The following FOLH1 variants were observed in gnomAD, a reference collection of about 807,000 sequenced individuals.
The protein encoded by FOLH1 is glutamate carboxypeptidase 2.
A neutral mutation model predicts 93.9 loss-of-function variants in FOLH1; 54 were observed. That is an observed-to-expected ratio of 0.57 (90% CI 0.46 to 0.72). The LOEUF (loss-of-function observed/expected upper bound fraction) is 0.72. Among genes scored for constraint, FOLH1 ranks in the 30% least tolerant of loss-of-function variants. The pLI, the probability that FOLH1 is intolerant of heterozygous loss-of-function variation, is 0.00. For missense variants in FOLH1, 571 were observed against 892.5 expected, an observed-to-expected ratio of 0.64 and a Z score of 4.59; for synonymous variants, 249 against 303.6, an observed-to-expected ratio of 0.82 and a Z score of 1.87.
chr11:49,164,084 A>G (rs1161567405), intron 13 of FOLH1, among the ~76,000 whole-genome samples: 1 of 152,066 alleles, frequency 6.6e-6, no homozygotes, highest in East Asian at 1.9e-4. Context: ...TGCCCCTTCA[A>G]TTTCTCTTTG....
At chr11:49,188,438 G>GGGAGGT (rs1451956214) in intron 4 of FOLH1, among the ~76,000 whole-genome samples, 2 of 151,548 alleles carry the variant, frequency 1.3e-5, no homozygotes, top group Non-Finnish European at 2.9e-5. Context: ...GCTTGAACAC[G>GGGAGGT]GGAGGTGGAG....
In FOLH1 at chr11:49,186,741, C is replaced by T. The variant is rs757958518; in HGVS notation, c.542G>A (p.Arg181Gln). The change falls in exon 5 of 19, where the codon CGA (arginine) becomes CAA (glutamine). Residue 181 changes from arginine (R) to glutamine (Q), a missense_variant. Physicochemically the swap from Arg to Gln is conservative, Grantham distance 43 (BLOSUM62 1). Transcript: ENST00000256999. Reference sequence around the variant, plus strand: ...TTCCAATTTAAAGAAGTCTTCAGTTCGTGCATAGTTAACATACACTAGATC... The same window carrying T: ...TTCCAATTTAAAGAAGTCTTCAGTTTGTGCATAGTTAACATACACTAGATC... ...EGDLVYVNYA[R>Q]TEDFFKLERD... 29 of 1,612,652 alleles carry T rather than the reference C, an allele frequency of 1.8e-5. No homozygotes were observed. Among genetic ancestry groups the T allele is most frequent in the Admixed American group, 3.3e-5 (2 of 59,818 alleles).
In FOLH1 at chr11:49,187,042, CCA is replaced by C. The variant is rs55702629; in HGVS notation, c.514-275_514-274del. On this transcript the variant is annotated intron_variant, in intron 4 of 18. Coordinates refer to ENST00000256999, the MANE Select transcript of FOLH1 (RefSeq NM_004476.3). ...AGCTGAAGCTACAGAAGCACCCCCC[CCA>C]CACACACACAGAAAAGCATATACGT... Among the ~76,000 whole-genome samples, 44 of 151,074 alleles carry C rather than the reference CCA, an allele frequency of 2.9e-4. No individual in the cohort carries two copies. In the South Asian group the frequency reaches 5.2e-3, roughly 18 times the overall value.
intron 7 of FOLH1, among the ~76,000 whole-genome samples, chr11:49,181,435 G>C (rs1402061128): frequency 6.6e-6 from 1 of 151,816 alleles, no homozygotes; most frequent in Non-Finnish European, 1.5e-5. Flanking sequence ...TTATAAAACT[G>C]AGATAATACT....
chr11:49,205,191 C>G (rs571298705), intron 2 of FOLH1, among the ~76,000 whole-genome samples: 1 of 149,106 alleles, frequency 6.7e-6, no homozygotes, highest in East Asian at 2.0e-4. Flanking sequence ...GCAACAAGAG[C>G]GAAACTCCAT....
chr11:49,183,406 T>C (rs373948899), intron 6 of FOLH1, among the ~76,000 whole-genome samples, 164 bp from the exon 7 acceptor site: 1 of 152,298 alleles, frequency 6.6e-6, no homozygotes, highest in African/African-American at 2.4e-5. Flanking sequence ...ACTGAAATCC[T>C]CATACATTGC....
At chr11:49,184,932 T>C (rs1470651046) in intron 6 of FOLH1, among the ~76,000 whole-genome samples, 1 of 152,208 alleles carries the variant, frequency 6.6e-6, no homozygotes, top group African/African-American at 2.4e-5. Context: ...TGAATCCAAC[T>C]GCCCATTCAG....
chr11:49,192,616 T>C (rs191149179), intron 4 of FOLH1, 177 bp downstream of exon 4: 7 of 397,612 alleles, frequency 1.8e-5, no homozygotes, highest in Admixed American at 1.3e-4. Flanking sequence ...AAAAATACCA[T>C]TAATAAAATA....
At chr11:49,198,683 AC>A (rs1862937531) in intron 3 of FOLH1, among the ~76,000 whole-genome samples, 1 of 152,070 alleles carries the variant, frequency 6.6e-6, no homozygotes, top group Non-Finnish European at 1.5e-5. Flanking sequence ...TAGATATGCC[AC>A]CACTTATTTA....
In FOLH1 at chr11:49,208,450, T is replaced by G. The variant is rs1864226283; in HGVS notation, c.-41A>C. ...GCCGGCCTCCCGGGACCCGCGCCTG[T>G]GCTGCTGCTCTACTGCGCGCCCTCC... On this transcript the variant is annotated 5_prime_UTR_variant, in exon 1 of 19. Transcript: ENST00000256999. The G allele has an allele frequency of 2.8e-6, 4 of 1,440,100 alleles. No individual in the cohort carries two copies. The African/African-American group carries it at 4.2e-5, about 15-fold the overall frequency. 89.2% of individuals were successfully genotyped at this position (1,440,100 alleles called of 1,614,324 possible). A position where few individuals can be genotyped will look rare whatever the true frequency, so the allele number is the denominator to read the frequency against.
intron 13 of FOLH1, among the ~76,000 whole-genome samples, chr11:49,158,601 C>G (rs1239845067): frequency 1.3e-5 from 2 of 152,002 alleles, no homozygotes; most frequent in East Asian, 3.9e-4. Context: ...TTAGGATTGC[C>G]TTGGTTATAT....
At chr11:49,183,016 T>C in intron 7 of FOLH1, 133 bp downstream of exon 7, 2 of 691,390 alleles carry the variant, frequency 2.9e-6, no homozygotes, top group Non-Finnish European at 4.8e-6. Flanking sequence ...TTCTATTTTA[T>C]ACTGATAAAA....
In FOLH1 at chr11:49,175,350, G is replaced by T. The variant is rs575490284; in HGVS notation, c.1020-373C>A. On this transcript the variant is annotated intron_variant, in intron 8 of 18. Transcript: ENST00000256999. ...TCTTTGGAACTTGAATGGAACTAGA[G>T]AACAGTCAACAGCTTGTGACAAAGC... Among the ~76,000 whole-genome samples, 19 of 152,262 alleles carry T rather than the reference G, an allele frequency of 1.2e-4. No homozygotes were observed. The East Asian group carries it at 3.7e-3, about 29-fold the overall frequency.
intron 18 of FOLH1, 70 bp downstream of exon 18, chr11:49,148,569 A>T: frequency 1.7e-6 from 2 of 1,184,288 alleles, no homozygotes; most frequent in Non-Finnish European, 2.4e-6. Flanking sequence ...TTTTTTCCAC[A>T]GTGAAAAAAA....
intron 2 of FOLH1, among the ~76,000 whole-genome samples, chr11:49,205,330 C>G (rs1211163800): frequency 6.6e-6 from 1 of 151,960 alleles, no homozygotes; most frequent in African/African-American, 2.4e-5. Flanking sequence ...CTCTTTCGTC[C>G]TACACTGGAA....
chr11:49,206,863 T>G, intron 1 of FOLH1: 1 of 1,436,788 alleles, frequency 7.0e-7, no homozygotes, highest in East Asian at 2.5e-5. Context: ...GACCTTGCAG[T>G]TGGCTTTTAA....
chr11:49,159,885 CT>C (rs563557049), intron 13 of FOLH1, among the ~76,000 whole-genome samples: 1 of 149,628 alleles, frequency 6.7e-6, no homozygotes. Flanking sequence ...GGAATTTATC[CT>C]TTTTTTTCTT....
chr11:49,205,858 A>G (rs1476362160), intron 2 of FOLH1, among the ~76,000 whole-genome samples: 1 of 152,212 alleles, frequency 6.6e-6, no homozygotes, highest in African/African-American at 2.4e-5. Context: ...CCTTGTACAG[A>G]AAAAGTTTGC....
intron 11 of FOLH1, among the ~76,000 whole-genome samples, chr11:49,169,947 C>T (rs1216440093): frequency 2.0e-5 from 3 of 151,860 alleles, no homozygotes; most frequent in Non-Finnish European, 4.4e-5. Context: ...TTGAAAGACA[C>T]AAATTACACC....
Sources: allele counts gnomAD v4.1 joint callset (sites outside exome capture counted in the v4.1 genomes callset), GRCh38; gene constraint gnomAD v4.1.1; transcripts MANE v1.5; gene names NCBI Gene and HGNC (gene_info 2026-07-23, HGNC 2026-07-21).